SYNCRIP: variants seen among roughly 807,000 people sequenced by gnomAD.
The protein encoded by SYNCRIP is synaptotagmin binding cytoplasmic RNA interacting protein, also known as heterogeneous nuclear ribonucleoprotein Q.
A neutral mutation model predicts 68.9 loss-of-function variants in SYNCRIP; 9 were observed. The observed-to-expected ratio is 0.13, with a 90% CI of 0.08 to 0.23. The LOEUF is 0.23. Ranked by LOEUF, SYNCRIP falls within the 10% of genes least tolerant of loss-of-function variation. The probability of loss-of-function intolerance (pLI) is 1.00; values close to 1 mark genes in which losing one functional copy is unlikely to be tolerated. For missense variants in SYNCRIP, 414 were observed against 770.6 expected (o/e 0.54, Z 5.48); for synonymous variants, 258 against 254.0 (o/e 1.02, Z -0.15).
In SYNCRIP at chr6:85,614,604, T is replaced by C; in HGVS notation, c.*152A>G. The C allele has an allele frequency of 7.7e-7, 1 of 1,304,346 alleles. No homozygotes were observed. Among genetic ancestry groups the C allele is most frequent in the Non-Finnish European group, 9.7e-7 (1 of 1,026,940 alleles). The allele number at this position is 1,304,346 out of a possible 1,614,324, so 80.8% of individuals were successfully genotyped here. On this transcript the variant is annotated 3_prime_UTR_variant, in exon 11 of 11. Coordinates refer to ENST00000369622, the MANE Select transcript of SYNCRIP (RefSeq NM_006372.5). ...TCAGTTCGCCAGAAGCAGTTAGAAG[T>C]GTGGCTTTGTTCGTGTCCAAGCGGA...
intron 4 of SYNCRIP, among the ~76,000 whole-genome samples, chr6:85,639,907 C>T (rs181541454): frequency 1.5e-3 from 224 of 152,112 alleles, no homozygotes; most frequent in African/African-American, 5.0e-3. Flanking sequence ...CATTCTCCAT[C>T]AGTATTTCAA....
At chr6:85,616,606 C>T (rs1042293742) in intron 10 of SYNCRIP, among the ~76,000 whole-genome samples, 2 of 152,098 alleles carry the variant, frequency 1.3e-5, no homozygotes, top group African/African-American at 2.4e-5. Context: ...CCTCAGCCTC[C>T]CAAAGTGGTG....
intron 6 of SYNCRIP, among the ~76,000 whole-genome samples, chr6:85,635,275 G>A (rs1408288403): frequency 1.3e-5 from 2 of 152,052 alleles, no homozygotes; most frequent in African/African-American, 4.8e-5. Context: ...ACAACTCAAA[G>A]GTTACCAGTA....
rs530288940 is a variant in SYNCRIP at position 85,634,593 on chromosome 6, T to A, written c.666+2374A>T. Among the ~76,000 whole-genome samples the A allele has an allele frequency of 2.9e-4, 44 of 151,858 alleles. 1 individual carries two copies. Among genetic ancestry groups the A allele is most frequent in the South Asian group, 2.3e-3 (11 of 4,804 alleles). ...ACACTGGTGTGTTGTTTTTTTTTTT[T>A]ATTGGGTTTTTTGGGAGTATCTTCA... On this transcript the variant is annotated intron_variant, in intron 6 of 10. Coordinates refer to ENST00000369622, the MANE Select transcript of SYNCRIP (RefSeq NM_006372.5).
At chr6:85,613,065 A>C (rs1422763965), downstream of SYNCRIP, 3 of 945,110 alleles carry the variant, frequency 3.2e-6, no homozygotes, top group Non-Finnish European at 4.3e-6. Flanking sequence ...GCCTTTAATA[A>C]CTATGAACTT....
At chr6:85,639,045 TAAA>T (rs1324629351) in intron 4 of SYNCRIP, among the ~76,000 whole-genome samples, 1 of 152,122 alleles carries the variant, frequency 6.6e-6, no homozygotes, top group Middle Eastern at 3.4e-3. Flanking sequence ...TCACCTCTGC[TAAA>T]AATACAAAAA....
At position 85,614,821 on chromosome 6, in the gene SYNCRIP, T is replaced by C; in HGVS notation, c.1807A>G (p.Asn603Asp). 1 of 1,613,498 alleles carries C rather than the reference T, an allele frequency of 6.2e-7. No individual in the cohort carries two copies. The highest frequency in any genetic ancestry group is 8.5e-7 in the Non-Finnish European group (1 of 1,179,866). Residue 603 changes from asparagine to aspartate, a missense_variant, in exon 11 of 11, where the codon AAC (asparagine) becomes GAC (aspartate). Asn to Asp is a conservative substitution (Grantham distance 23). This residue lies in a region of SYNCRIP where 130 missense variants were observed against 149.0 expected (regional missense o/e 0.87). Coordinates refer to ENST00000369622, the MANE Select transcript of SYNCRIP (RefSeq NM_006372.5). ...QPLQGGDHSG[N>D]YGYKSENQEF... ...TGGTTTTCAGATTTGTAACCATAGT[T>C]ACCAGAATGATCACCACCTTGGAGC...
chr6:85,627,299 T>C (rs1054875086), intron 6 of SYNCRIP, among the ~76,000 whole-genome samples: 46 of 149,878 alleles, frequency 3.1e-4, no homozygotes, highest in African/African-American at 9.0e-4. Context: ...CTTGGAACAA[T>C]TGTATTACAG....
intron 6 of SYNCRIP, among the ~76,000 whole-genome samples, chr6:85,627,124 C>G (rs1480613697): frequency 1.3e-5 from 2 of 151,818 alleles, no homozygotes; most frequent in African/African-American, 4.8e-5. Flanking sequence ...AGAAATTAGC[C>G]GGGAGTGGTG....
chr6:85,624,190 G>GTT, intron 6 of SYNCRIP, 78 bp from the exon 7 acceptor site: 1 of 1,398,090 alleles, frequency 7.2e-7, no homozygotes, highest in African/African-American at 1.4e-5. Flanking sequence ...ATACACAAGA[G>GTT]CAAATCATCC....
chr6:85,640,574 AT>A lies in SYNCRIP; in HGVS notation c.149-11del. 6.6e-7 allele frequency: 1 copy of A among 1,514,820 alleles called. No individual in the cohort carries two copies. Among genetic ancestry groups the A allele is most frequent in the Non-Finnish European group, 8.9e-7 (1 of 1,119,480 alleles). 93.8% of individuals were successfully genotyped at this position (1,514,820 alleles called of 1,614,324 possible). On this transcript the variant is annotated splice_polypyrimidine_tract_variant and intron_variant, in intron 2 of 10. Transcript: ENST00000369622. ...CTATGTGCAACTAGCCCTGAAAAAA[AT>A]AAAAGTTATCAGCTTTTAATATTTT... is the stretch of plus-strand genomic sequence containing the variant.
intron 7 of SYNCRIP, among the ~76,000 whole-genome samples, chr6:85,623,579 A>AAC (rs1806689190): frequency 8.0e-6 from 1 of 125,758 alleles, no homozygotes; most frequent in African/African-American, 2.6e-5. Flanking sequence ...AAAAAAAAAA[A>AAC]AAAACACTCT....
At chr6:85,624,232 A>G (rs575204252) in intron 6 of SYNCRIP, 120 bp from the exon 7 acceptor site, 4 of 941,296 alleles carry the variant, frequency 4.2e-6, no homozygotes, top group East Asian at 2.5e-5. Flanking sequence ...ATTCCCATAC[A>G]AGGGAATTAT....
chr6:85,614,380 T>A lies in SYNCRIP; in HGVS notation c.*376A>T. On this transcript the variant is annotated 3_prime_UTR_variant, in exon 11 of 11. Coordinates refer to ENST00000369622, the MANE Select transcript of SYNCRIP (RefSeq NM_006372.5). ...TTTAAGTTGGTAACATACAAAGTTA[T>A]TCTGATACAAGATATTAAAGACACA... The A allele has an allele frequency of 4.0e-6, 4 of 995,828 alleles. No homozygotes were observed. The highest frequency in any genetic ancestry group is 4.8e-6 in the Non-Finnish European group (4 of 837,046). 61.7% of individuals were successfully genotyped at this position (995,828 alleles called of 1,614,324 possible).
At chr6:85,621,882 C>A (rs999258911) in intron 8 of SYNCRIP, among the ~76,000 whole-genome samples, 3 of 152,172 alleles carry the variant, frequency 2.0e-5, no homozygotes, top group Admixed American at 6.5e-5. Context: ...TCTTAAAAAA[C>A]ACACAAAATG....
At chr6:85,637,641 G>A (rs1808611058) in intron 4 of SYNCRIP, among the ~76,000 whole-genome samples, 1 of 152,122 alleles carries the variant, frequency 6.6e-6, no homozygotes, top group South Asian at 2.1e-4. Context: ...CAATCCATCA[G>A]CAACTTTCAA....
At chr6:85,621,425 G>A (rs1416640038) in intron 8 of SYNCRIP, among the ~76,000 whole-genome samples, 1 of 152,054 alleles carries the variant, frequency 6.6e-6, no homozygotes, top group Non-Finnish European at 1.5e-5. Context: ...GGGCAGCACA[G>A]GGAGATTAAC....
rs139380461 is a variant in SYNCRIP, at chr6:85,640,734, C to A, written c.149-170G>T. On this transcript the variant is annotated intron_variant, in intron 2 of 10. Transcript: ENST00000369622. ...CAGCCACTCTGAACTGAATCCTGAA[C>A]TAAATATGCCCTACCAACCACACTT... Among the ~76,000 whole-genome samples the A allele has an allele frequency of 5.7e-3, 854 of 150,906 alleles. 8 individuals are homozygous for A. The highest frequency in any genetic ancestry group is 0.02 in the African/African-American group (823 of 41,104).
intron 8 of SYNCRIP, among the ~76,000 whole-genome samples, chr6:85,621,607 TA>T (rs34749230): frequency 0.26 from 32,057 of 124,716 alleles, 6,090 homozygotes; most frequent in African/African-American, 0.55. Flanking sequence ...CCCTGTCACT[TA>T]AAAAAAAAAA....
Sources: allele counts gnomAD v4.1 joint callset (sites outside exome capture counted in the v4.1 genomes callset), GRCh38; gene constraint gnomAD v4.1.1; regional missense constraint gnomAD v4.1.1; transcripts MANE v1.5; gene names NCBI Gene and HGNC (gene_info 2026-07-23, HGNC 2026-07-21).